ZKSCAN5: variants seen among roughly 807,000 people sequenced by gnomAD.
ZKSCAN5 encodes the protein zinc finger protein with KRAB and SCAN domains 5.
Under a neutral mutation model 60.0 loss-of-function variants are expected in ZKSCAN5, and 28 were observed. The ratio of observed to expected loss-of-function variants is 0.47; its 90% CI spans 0.35 to 0.64. ZKSCAN5 has a LOEUF of 0.64. Among genes scored for constraint, ZKSCAN5 ranks in the 30% least tolerant of loss-of-function variants. ZKSCAN5 has a pLI of 0.01. For missense variants in ZKSCAN5, 881 were observed against 1,034.6 expected, an observed-to-expected ratio of 0.85 and a Z score of 2.04; for synonymous variants, 361 against 371.2, an observed-to-expected ratio of 0.97 and a Z score of 0.31.
intron 5 of ZKSCAN5, among the ~76,000 whole-genome samples, chr7:99,523,907 G>A (rs1393937140): frequency 6.6e-6 from 1 of 152,070 alleles, no homozygotes; most frequent in Non-Finnish European, 1.5e-5. Context: ...CTCCCTTAAA[G>A]GTCATTGTAA....
chr7:99,515,212 C>T (rs1801208798), intron 3 of ZKSCAN5, among the ~76,000 whole-genome samples: 1 of 151,818 alleles, frequency 6.6e-6, no homozygotes, highest in South Asian at 2.1e-4. Context: ...TGAGACCAGC[C>T]TGGTCAACGT....
chr7:99,508,091 A>G (rs1800847451), intron 2 of ZKSCAN5, among the ~76,000 whole-genome samples: 1 of 151,246 alleles, frequency 6.6e-6, no homozygotes, highest in Non-Finnish European at 1.5e-5. Flanking sequence ...TGAGGTCAGA[A>G]GATCGAGACC....
At chr7:99,512,015 A>T (rs1329086752) in intron 2 of ZKSCAN5, among the ~76,000 whole-genome samples, 1 of 151,892 alleles carries the variant, frequency 6.6e-6, no homozygotes, top group Admixed American at 6.6e-5. Context: ...ATTGGTCTTG[A>T]TCTTCTGACC....
Position 99,531,369 on chromosome 7 carries a change from G to C in ZKSCAN5, c.1640G>C (p.Arg547Thr). The change falls in exon 7 of 7, where the codon AGA (arginine) becomes ACA (threonine). Residue 547 changes from arginine (R) to threonine (T), a missense_variant. Around this residue, in one of 5 missense-constraint regions of ZKSCAN5, gnomAD observed 490 missense variants for 554.5 expected, o/e 0.88. Coordinates refer to ENST00000326775, the MANE Select transcript of ZKSCAN5 (RefSeq NM_145102.4). ...CACAAAAAATCCTCCACTGGAGAGA[G>C]ACCACATAAATGTAACGAGTGTGGG... ...YVHKKSSTGE[R>T]PHKCNECGKS... 1.9e-6 allele frequency: 3 copies of C among 1,614,156 alleles called. No individual in the cohort carries two copies. The highest frequency in any genetic ancestry group is 2.5e-6 in the Non-Finnish European group (3 of 1,180,036).
At chr7:99,530,508 GA>G (rs1801995004) in intron 6 of ZKSCAN5, among the ~76,000 whole-genome samples, 1 of 151,896 alleles carries the variant, frequency 6.6e-6, no homozygotes, top group Non-Finnish European at 1.5e-5. Context: ...TTTTTGATGG[GA>G]TTTTTTTTTT....
rs775308821 is a variant in ZKSCAN5 at position 99,519,875 on chromosome 7, AG to A, written c.603del (p.Glu201AspfsTer2). On this transcript the variant is annotated frameshift_variant, in exon 4 of 7. Coordinates refer to ENST00000326775, the MANE Select transcript of ZKSCAN5 (RefSeq NM_145102.4). LOFTEE classifies it high-confidence loss of function. ...VPSLPLKDSQ[E>X]LTASLLSTGS... Reference sequence around the variant, plus strand: ...TCCCTTCCCCTGAAGGACAGCCAGGAGCTGACAGCTTCACTTCTCTCAACTG... The same window carrying A: ...TCCCTTCCCCTGAAGGACAGCCAGGACTGACAGCTTCACTTCTCTCAACTG... 1.2e-6 allele frequency: 2 copies of A among 1,613,988 alleles called. No individual in the cohort carries two copies. Among genetic ancestry groups the A allele is most frequent in the Admixed American group, 3.3e-5 (2 of 59,982 alleles).
chr7:99,528,866 G>A (rs111405873), intron 6 of ZKSCAN5, among the ~76,000 whole-genome samples: 205 of 152,348 alleles, frequency 1.3e-3, no homozygotes, highest in Non-Finnish European at 2.1e-3. Flanking sequence ...GCAGCCGATG[G>A]TCTGGTGGGG....
chr7:99,521,688 T>C (rs1324403582), intron 5 of ZKSCAN5, among the ~76,000 whole-genome samples: 1 of 152,032 alleles, frequency 6.6e-6, no homozygotes, highest in Non-Finnish European at 1.5e-5. Context: ...CTCTGTTCAT[T>C]AATCTATTGG....
chr7:99,520,053 A>G lies in ZKSCAN5; in HGVS notation c.637-116A>G, dbSNP rs867670637. ...TTTCCTTTCTGCCTAGTCCTTCCCC[A>G]TCCTCTTTGAGGCACAGTTCCTCCC... On this transcript the variant is annotated intron_variant, in intron 4 of 6. Coordinates refer to ENST00000326775, the MANE Select transcript of ZKSCAN5 (RefSeq NM_145102.4). 16 of 1,509,322 alleles carry G rather than the reference A, an allele frequency of 1.1e-5. No individual in the cohort carries two copies. In the Middle Eastern group the frequency reaches 2.6e-3, roughly 247 times the overall value. 93.5% of individuals were successfully genotyped at this position (1,509,322 alleles called of 1,614,324 possible). A position where few individuals can be genotyped will look rare whatever the true frequency, so the allele number is the denominator to read the frequency against.
At chr7:99,510,110 T>A (rs1253112387) in intron 2 of ZKSCAN5, among the ~76,000 whole-genome samples, 7 of 151,844 alleles carry the variant, frequency 4.6e-5, no homozygotes, top group African/African-American at 1.5e-4. Context: ...TAAACAAAAA[T>A]TTTTTTGTAG....
intron 2 of ZKSCAN5, among the ~76,000 whole-genome samples, chr7:99,510,059 G>A (rs904883253): frequency 2.0e-5 from 3 of 151,086 alleles, no homozygotes; most frequent in Non-Finnish European, 4.4e-5. Context: ...ATCCTCTTGA[G>A]TAGCTAGGAC....
chr7:99,507,523 G>GTA (rs1351822202), intron 2 of ZKSCAN5, among the ~76,000 whole-genome samples: 6 of 133,820 alleles, frequency 4.5e-5, no homozygotes, highest in Admixed American at 3.7e-4. Context: ...GTGTATATAT[G>GTA]TATATGTGTA....
intron 3 of ZKSCAN5, among the ~76,000 whole-genome samples, chr7:99,515,368 C>T (rs889101936): frequency 1.3e-5 from 2 of 151,540 alleles, no homozygotes; most frequent in African/African-American, 4.9e-5. Context: ...GATTGTGCCA[C>T]GGCACTCCAG....
rs934327398 is a variant in ZKSCAN5, at chr7:99,524,353, C to T, written c.773-1460C>T. ...CCTCCCACAGTGCTGGGATTACAGG[C>T]GTGAGCCACCACACCCGGCTGATAA... On this transcript the variant is annotated intron_variant, in intron 5 of 6. Coordinates refer to ENST00000326775, the MANE Select transcript of ZKSCAN5 (RefSeq NM_145102.4). Among the ~76,000 whole-genome samples, 8 of 152,090 alleles carry T rather than the reference C, an allele frequency of 5.3e-5. No homozygotes were observed. The South Asian group carries it at 1.0e-3, about 20-fold the overall frequency.
chr7:99,520,117 C>A, intron 4 of ZKSCAN5, 52 bp from the exon 5 acceptor site: 1 of 1,601,202 alleles, frequency 6.2e-7, no homozygotes, highest in Admixed American at 1.7e-5. Context: ...CTTCCCCTCA[C>A]TCCAAATTTG....
At chr7:99,524,055 C>A (rs1352810024) in intron 5 of ZKSCAN5, among the ~76,000 whole-genome samples, 1 of 151,380 alleles carries the variant, frequency 6.6e-6, no homozygotes, top group Non-Finnish European at 1.5e-5. Context: ...TCTTAATAGG[C>A]CATGATACTC....
At chr7:99,509,842 T>G (rs1584167575) in intron 2 of ZKSCAN5, among the ~76,000 whole-genome samples, 1 of 152,236 alleles carries the variant, frequency 6.6e-6, no homozygotes, top group East Asian at 1.9e-4. Flanking sequence ...TTATCTATAT[T>G]TTTTTACCTT....
At chr7:99,530,542 T>C (rs1480845387) in intron 6 of ZKSCAN5, among the ~76,000 whole-genome samples, 6 of 152,174 alleles carry the variant, frequency 3.9e-5, no homozygotes, top group African/African-American at 1.2e-4. Flanking sequence ...TTAGAGTTAC[T>C]TGTAGATTCT....
chr7:99,519,992 C>T lies in ZKSCAN5; in HGVS notation c.636+83C>T, dbSNP rs1039421853. 9.7e-6 allele frequency: 15 copies of T among 1,549,290 alleles called. No homozygotes were observed. The East Asian group carries it at 1.3e-4, about 14-fold the overall frequency. ...TCTGTTTCTTTAGCCAGTGACTAGG[C>T]CCATCTTGGGTTGGTACCTTCATTC... On this transcript the variant is annotated intron_variant, in intron 4 of 6. Transcript: ENST00000326775.
Sources: gnomAD v4.1 joint callset for allele counts (sites outside exome capture counted in the v4.1 genomes callset) on GRCh38, gnomAD v4.1.1 for gene constraint, gnomAD v4.1.1 regional missense constraint, MANE v1.5 for transcripts, NCBI Gene and HGNC (gene_info 2026-07-23, HGNC 2026-07-21) for gene names.